The following INO80C variants were observed in gnomAD, a reference collection of about 807,000 sequenced individuals.
INO80C encodes INO80 complex subunit C, also known as IES6 homolog.
A neutral mutation model predicts 17.7 loss-of-function variants in INO80C; 17 were observed. The observed-to-expected ratio is 0.96, with a 90% CI of 0.66 to 1.44. INO80C has a LOEUF of 1.44. Among genes scored for constraint, INO80C ranks in the 40% most tolerant of loss-of-function variants. The pLI, the probability that INO80C is intolerant of heterozygous loss-of-function variation, is 0.00. For synonymous variants in INO80C, 96 were observed against 95.8 expected (o/e 1.00, Z -0.01); for missense variants, 244 against 245.0 (o/e 1.00, Z 0.03).
At chr18:35,492,331 T>G (rs998409728) in intron 1 of INO80C, among the ~76,000 whole-genome samples, 1 of 152,188 alleles carries the variant, frequency 6.6e-6, no homozygotes, top group Non-Finnish European at 1.5e-5. Flanking sequence ...ATGCAGTCAA[T>G]AGTCATAAAA....
intron 4 of INO80C, 99 bp from the exon 5 acceptor site, chr18:35,468,841 ATATATTTTCAT>A: frequency 2.8e-6 from 3 of 1,065,216 alleles, no homozygotes; most frequent in Non-Finnish European, 4.2e-6. Flanking sequence ...TGAAAGTGAT[ATATATTTTCAT>A]TATGTCTTAC....
intron 4 of INO80C, among the ~76,000 whole-genome samples, chr18:35,469,886 C>T (rs1036822854): frequency 2.0e-5 from 3 of 152,172 alleles, no homozygotes; most frequent in African/African-American, 7.2e-5. Context: ...TTGGGACCAT[C>T]ACAGAAAAGA....
At chr18:35,497,265 A>G (rs1053392636) in intron 1 of INO80C, 17 of 915,810 alleles carry the variant, frequency 1.9e-5, no homozygotes, top group Middle Eastern at 5.6e-4. Flanking sequence ...GGGTCAAAAA[A>G]GCACTTTTCT....
intron 1 of INO80C, among the ~76,000 whole-genome samples, chr18:35,493,658 T>C (rs542339866): frequency 1.3e-5 from 2 of 152,326 alleles, no homozygotes; most frequent in African/African-American, 4.8e-5. Context: ...TTTCTAAACT[T>C]CTTTAAATTT....
In INO80C at chr18:35,478,369, A is replaced by T; in HGVS notation, c.380-20T>A. The T allele has an allele frequency of 6.6e-7, 1 of 1,517,920 alleles. No individual in the cohort carries two copies. Among genetic ancestry groups the T allele is most frequent in the Non-Finnish European group, 9.0e-7 (1 of 1,116,610 alleles). 94.0% of individuals were successfully genotyped at this position (1,517,920 alleles called of 1,614,324 possible). ...TGAAGTCTGGGAAAAAAAAAAAAAA[A>T]AGATAACTAAACTGAACTGAAAACA... On this transcript the variant is annotated intron_variant, in intron 3 of 4. Transcript: ENST00000334598.
intron 1 of INO80C, among the ~76,000 whole-genome samples, chr18:35,482,330 A>G (rs2045819797): frequency 6.6e-6 from 1 of 152,226 alleles, no homozygotes; most frequent in African/African-American, 2.4e-5. Flanking sequence ...CATGCTGATA[A>G]GGAGCTCAAC....
rs764642778 is a variant in INO80C, at chr18:35,479,427, T to C, written c.268-16A>G. ...GGCCAGAGTGCTTGAATTGAAGGCA[T>C]GGATTAGAAGAAACAAAAACCAATG... On this transcript the variant is annotated splice_polypyrimidine_tract_variant and intron_variant, in intron 2 of 4. Coordinates refer to ENST00000334598, the MANE Select transcript of INO80C (RefSeq NM_194281.4). 3.2e-6 allele frequency: 5 copies of C among 1,567,478 alleles called. No individual in the cohort carries two copies. In the South Asian group the frequency reaches 4.4e-5, roughly 14 times the overall value.
chr18:35,497,614 C>CCGCACGCGCAGCGCCCCACATTA (rs1275747543), intron 1 of INO80C, 105 bp downstream of exon 1: 18 of 1,467,424 alleles, frequency 1.2e-5, no homozygotes, highest in African/African-American at 5.8e-5. Flanking sequence ...CCAACGGAGA[C>CCGCACGCGCAGCGCCCCACATTA]CGCACGCGCA....
Position 35,478,262 on chromosome 18 carries a change from A to G in INO80C, c.447+20T>C. 6 of 1,518,774 alleles carry G rather than the reference A, an allele frequency of 4.0e-6. No individual in the cohort carries two copies. The highest frequency in any genetic ancestry group is 5.4e-6 in the Non-Finnish European group (6 of 1,103,314). 94.1% of individuals were successfully genotyped at this position (1,518,774 alleles called of 1,614,324 possible). A position where few individuals can be genotyped will look rare whatever the true frequency, so the allele number is the denominator to read the frequency against. On this transcript the variant is annotated intron_variant, in intron 4 of 4. Coordinates refer to ENST00000334598, the MANE Select transcript of INO80C (RefSeq NM_194281.4). ...GAAATCTTTTCCATTTAATGTTATA[A>G]GAGATATAATCATACTCACAAGCAG...
At chr18:35,474,071 A>G (rs951614792) in intron 4 of INO80C, among the ~76,000 whole-genome samples, 3 of 151,610 alleles carry the variant, frequency 2.0e-5, no homozygotes, top group African/African-American at 7.3e-5. Context: ...AAAGGCAGTC[A>G]ACAGAAACTG....
chr18:35,486,271 C>T (rs1246376208), intron 1 of INO80C, among the ~76,000 whole-genome samples: 1 of 152,146 alleles, frequency 6.6e-6, no homozygotes, highest in Non-Finnish European at 1.5e-5. Flanking sequence ...CAAAAGGCCA[C>T]ATATTGTATA....
At chr18:35,476,731 A>G (rs989456855) in intron 4 of INO80C, among the ~76,000 whole-genome samples, 1 of 152,152 alleles carries the variant, frequency 6.6e-6, no homozygotes, top group African/African-American at 2.4e-5. Flanking sequence ...CTGGGTGCAG[A>G]GGCTCACGTC....
intron 4 of INO80C, 23 bp downstream of exon 4, chr18:35,478,259 A>G (rs752702307): frequency 2.3e-5 from 35 of 1,504,476 alleles, no homozygotes; most frequent in Non-Finnish European, 3.0e-5. Context: ...ATTTAATGTT[A>G]TAAGAGATAT....
chr18:35,481,300 C>A (rs1312923928), intron 1 of INO80C, among the ~76,000 whole-genome samples: 1 of 152,216 alleles, frequency 6.6e-6, no homozygotes, highest in East Asian at 1.9e-4. Flanking sequence ...AAGTAAGAAA[C>A]CACTTCTGAT....
chr18:35,492,532 A>G (rs2045942503), intron 1 of INO80C, among the ~76,000 whole-genome samples: 2 of 86,966 alleles, frequency 2.3e-5, no homozygotes, highest in Admixed American at 1.4e-4. Flanking sequence ...TTTTTATGTC[A>G]ATTTTAAAAA....
At chr18:35,497,488 C>T (rs753108418) in intron 1 of INO80C, 19 of 1,330,128 alleles carry the variant, frequency 1.4e-5, no homozygotes, top group South Asian at 1.8e-5. Context: ...AATACTAAGT[C>T]AGTAATAACC....
At chr18:35,483,230 A>G (rs1015409855) in intron 1 of INO80C, among the ~76,000 whole-genome samples, 7 of 151,944 alleles carry the variant, frequency 4.6e-5, no homozygotes, top group African/African-American at 1.7e-4. Context: ...CTTTATAGTC[A>G]TCATATTTCT....
At chr18:35,478,137 T>C (rs1226357723) in intron 4 of INO80C, 145 bp downstream of exon 4, 5 of 587,078 alleles carry the variant, frequency 8.5e-6, no homozygotes, top group Non-Finnish European at 1.5e-5. Flanking sequence ...TTTGCAGCAA[T>C]GAACACACTG....
rs148411720 is a variant in INO80C, at chr18:35,490,961, T to C, written c.156+6758A>G. The stretch of plus-strand genomic sequence containing the variant: ...TTTTTGTAGAGACAAGGTTTCACCA[T>C]GTTGCCCACAGTGGTCTCGAACTCC... On this transcript the variant is annotated intron_variant, in intron 1 of 4. Coordinates refer to ENST00000334598, the MANE Select transcript of INO80C (RefSeq NM_194281.4). Among the ~76,000 whole-genome samples the C allele has an allele frequency of 1.8e-3, 278 of 152,346 alleles. 1 individual carries two copies. Among genetic ancestry groups the C allele is most frequent in the African/African-American group, 6.4e-3 (267 of 41,588 alleles).
Sources: allele counts gnomAD v4.1 joint callset (sites outside exome capture counted in the v4.1 genomes callset), GRCh38; gene constraint gnomAD v4.1.1; transcripts MANE v1.5; gene names NCBI Gene and HGNC (gene_info 2026-07-23, HGNC 2026-07-21).